HOMER1: variants seen among roughly 807,000 people sequenced by gnomAD.
The protein encoded by HOMER1 is homer protein homolog 1.
HOMER1 carries 3 observed loss-of-function variants against 48.9 expected under a neutral mutation model. That is an observed-to-expected ratio of 0.06 (90% CI 0.03 to 0.16). The LOEUF (loss-of-function observed/expected upper bound fraction) is 0.16, where lower values mean the gene tolerates loss of function less well. Ranked by LOEUF, HOMER1 falls within the 10% of genes least tolerant of loss-of-function variation. The probability of loss-of-function intolerance (pLI) is 1.00; values close to 1 mark genes in which losing one functional copy is unlikely to be tolerated. For synonymous variants in HOMER1, 134 were observed against 146.4 expected, an observed-to-expected ratio of 0.92 and a Z score of 0.61; for missense variants, 247 against 411.4, an observed-to-expected ratio of 0.60 and a Z score of 3.46.
intron 8 of HOMER1, among the ~76,000 whole-genome samples, chr5:79,389,501 T>C (rs1172583454): frequency 1.3e-5 from 2 of 152,184 alleles, no homozygotes; most frequent in Non-Finnish European, 2.9e-5. Flanking sequence ...AAGAGACGAT[T>C]AGGTCATGAG....
intron 5 of HOMER1, among the ~76,000 whole-genome samples, chr5:79,418,194 G>C (rs556932799): frequency 3.9e-5 from 6 of 152,268 alleles, no homozygotes; most frequent in African/African-American, 1.4e-4. Flanking sequence ...AAAGGTAAGG[G>C]CCCTGATGAA....
At chr5:79,433,063 T>C (rs1017026783) in intron 5 of HOMER1, among the ~76,000 whole-genome samples, 5 of 152,198 alleles carry the variant, frequency 3.3e-5, no homozygotes, top group African/African-American at 1.2e-4. Flanking sequence ...GTCCCAGCTT[T>C]ACATACAGTC....
chr5:79,425,972 A>T (rs1209143906), intron 5 of HOMER1, among the ~76,000 whole-genome samples: 1 of 151,976 alleles, frequency 6.6e-6, no homozygotes, highest in Non-Finnish European at 1.5e-5. Context: ...ACACCGATGC[A>T]GCTATGAAGG....
chr5:79,374,326 A>C lies in HOMER1; in HGVS notation c.*1683T>G, dbSNP rs765869574. The C allele has an allele frequency of 4.6e-5, 7 of 152,458 alleles. No individual in the cohort carries two copies. Among genetic ancestry groups the C allele is most frequent in the Non-Finnish European group, 8.8e-5 (6 of 67,866 alleles). The allele number at this position is 152,458 out of a possible 1,614,324, so 9.4% of individuals were successfully genotyped here. ...AGCACATATAATACATGATTGTTAT[A>C]AATTTTTCAGAGACACCTGAAAACT... is the stretch of plus-strand genomic sequence containing the variant. On this transcript the variant is annotated 3_prime_UTR_variant, in exon 9 of 9. Transcript: ENST00000334082.
intron 1 of HOMER1, among the ~76,000 whole-genome samples, chr5:79,498,654 T>A (rs139379060): frequency 6.6e-6 from 1 of 152,284 alleles, no homozygotes; most frequent in African/African-American, 2.4e-5. Flanking sequence ...GCTCAGCCAA[T>A]GGCAGCATAA....
At position 79,512,836 on chromosome 5, in the gene HOMER1, G is replaced by A; in HGVS notation, c.-62C>T. ...TTATGCTACGGAATAACTTCCAAAG[G>A]AATTTCTCCGTCTGCTATTTCGCAG... On this transcript the variant is annotated 5_prime_UTR_variant, in exon 1 of 9. Transcript: ENST00000334082. The A allele has an allele frequency of 6.4e-7, 1 of 1,555,218 alleles. No homozygotes were observed. Among genetic ancestry groups the A allele is most frequent in the East Asian group, 2.2e-5 (1 of 44,504 alleles).
At chr5:79,463,711 T>G (rs1180781226) in intron 1 of HOMER1, among the ~76,000 whole-genome samples, 2 of 152,210 alleles carry the variant, frequency 1.3e-5, no homozygotes, top group African/African-American at 4.8e-5. Flanking sequence ...ATTCATTCAC[T>G]TCATAACACC....
chr5:79,488,923 T>C (rs544321537), intron 1 of HOMER1, among the ~76,000 whole-genome samples: 1 of 152,312 alleles, frequency 6.6e-6, no homozygotes, highest in African/African-American at 2.4e-5. Context: ...CCAAACAGCC[T>C]CTTAAAATGT....
chr5:79,427,817 TTTTCCTTCCTTCCTTCC>T (rs1445761367), intron 5 of HOMER1, among the ~76,000 whole-genome samples: 1 of 140,474 alleles, frequency 7.1e-6, no homozygotes, highest in Non-Finnish European at 1.5e-5. Context: ...TCCTTCCTTC[TTTTCCTTCCTTCCTTCC>T]TTTCCTTCCT....
At chr5:79,491,329 G>C (rs1044524348) in intron 1 of HOMER1, among the ~76,000 whole-genome samples, 1 of 150,310 alleles carries the variant, frequency 6.7e-6, no homozygotes, top group Non-Finnish European at 1.5e-5. Flanking sequence ...GGTGAGGCAA[G>C]AGGCGAGGTA....
intron 5 of HOMER1, among the ~76,000 whole-genome samples, chr5:79,435,699 C>T (rs1476518357): frequency 6.1e-5 from 9 of 147,356 alleles, no homozygotes; most frequent in Non-Finnish European, 1.3e-4. Flanking sequence ...GGTGTGGTGG[C>T]GGGCGCCTGT....
chr5:79,507,226 A>C (rs1053929815), intron 1 of HOMER1, among the ~76,000 whole-genome samples: 48 of 151,358 alleles, frequency 3.2e-4, no homozygotes, highest in Non-Finnish European at 5.2e-4. Context: ...AAAAAAAAAA[A>C]AAAAAAAAAC....
intron 5 of HOMER1, among the ~76,000 whole-genome samples, chr5:79,437,496 G>T (rs1750621532): frequency 6.6e-6 from 1 of 152,134 alleles, no homozygotes; most frequent in Non-Finnish European, 1.5e-5. Flanking sequence ...TTTTTCATGT[G>T]TTCAGTCATC....
At chr5:79,441,680 G>GT (rs1416570274) in intron 4 of HOMER1, among the ~76,000 whole-genome samples, 1 of 151,736 alleles carries the variant, frequency 6.6e-6, no homozygotes, top group East Asian at 1.9e-4. Context: ...GAGAACTTGG[G>GT]TTTTTTTAAA....
chr5:79,500,822 G>A (rs1580040172), intron 1 of HOMER1, among the ~76,000 whole-genome samples: 1 of 151,576 alleles, frequency 6.6e-6, no homozygotes, highest in Non-Finnish European at 1.5e-5. Context: ...ATGGGGTTTT[G>A]CCATGTTGGC....
intron 1 of HOMER1, among the ~76,000 whole-genome samples, chr5:79,479,014 T>A (rs956911117): frequency 6.6e-6 from 1 of 152,198 alleles, no homozygotes; most frequent in Admixed American, 6.5e-5. Context: ...AAAGTACTTA[T>A]TATTAGTTCT....
chr5:79,385,978 T>C lies in HOMER1; in HGVS notation c.877-9781A>G, dbSNP rs567741456. 1.2e-4 allele frequency among the ~76,000 whole-genome samples: 18 copies of C among 151,716 alleles called. No homozygotes were observed. In the South Asian group the frequency reaches 3.7e-3, roughly 32 times the overall value. ...AAAGACAAAAAAGAACAGATGCTGG[T>C]GAGGATATAGCGAAAAGGGCACTCT... is the stretch of plus-strand genomic sequence containing the variant. On this transcript the variant is annotated intron_variant, in intron 8 of 8. Transcript: ENST00000334082.
At chr5:79,506,777 C>T (rs1327831359) in intron 1 of HOMER1, among the ~76,000 whole-genome samples, 1 of 152,060 alleles carries the variant, frequency 6.6e-6, no homozygotes, top group East Asian at 1.9e-4. Flanking sequence ...GTCAAGGCTG[C>T]AGTAAGCCAT....
chr5:79,413,189 T>A (rs1324479313), intron 5 of HOMER1, among the ~76,000 whole-genome samples: 1 of 152,064 alleles, frequency 6.6e-6, no homozygotes, highest in Non-Finnish European at 1.5e-5. Flanking sequence ...AATCTGACTT[T>A]GAGAAAAATA....
Sources: gnomAD v4.1 joint callset for allele counts (sites outside exome capture counted in the v4.1 genomes callset) on GRCh38, gnomAD v4.1.1 for gene constraint, MANE v1.5 for transcripts, NCBI Gene and HGNC (gene_info 2026-07-23, HGNC 2026-07-21) for gene names.